Variants in MAMLD1 observed in about 807,000 individuals in gnomAD.
MAMLD1 encodes mastermind like domain containing 1.
MAMLD1 carries 14 observed loss-of-function variants against 45.0 expected under a neutral mutation model. That is an observed-to-expected ratio of 0.31 (90% CI 0.21 to 0.49). The LOEUF is 0.49. Ranked by LOEUF, MAMLD1 falls within the 20% of genes least tolerant of loss-of-function variation. The pLI is 0.99. For missense variants in MAMLD1, 543 were observed against 603.6 expected, an observed-to-expected ratio of 0.90 and a Z score of 1.05; for synonymous variants, 254 against 247.8, an observed-to-expected ratio of 1.02 and a Z score of -0.24.
chrX:150,435,035 T>C (rs1049268506), intron 1 of MAMLD1, among the ~76,000 whole-genome samples: 3 of 111,650 alleles, frequency 2.7e-5, no homozygotes, highest in African/African-American at 9.8e-5. Context: ...TATTATTGTG[T>C]GGTTATCTAA....
intron 1 of MAMLD1, among the ~76,000 whole-genome samples, chrX:150,374,568 G>T (rs909065888): frequency 8.9e-6 from 1 of 112,545 alleles, no homozygotes; most frequent in Non-Finnish European, 1.9e-5. Flanking sequence ...GACTTGAAAA[G>T]TCATTTTGTC....
chrX:150,504,533 C>A, intron 6 of MAMLD1: 1 of 538,033 alleles, frequency 1.9e-6, no homozygotes, highest in Non-Finnish European at 2.3e-6. Context: ...CTCAGCTGTT[C>A]ACTCTTCAGC....
intron 7 of MAMLD1, 111 bp from the exon 8 acceptor site, chrX:150,511,893 A>G: frequency 3.0e-6 from 2 of 658,074 alleles, no homozygotes; most frequent in South Asian, 1.0e-4. Flanking sequence ...TAGAGAGCCA[A>G]GGGCGGGAGG....
intron 1 of MAMLD1, among the ~76,000 whole-genome samples, chrX:150,441,264 C>T (rs782096512): frequency 9.3e-6 from 1 of 107,758 alleles, no homozygotes; most frequent in South Asian, 3.9e-4. Context: ...CTATGGTCAC[C>T]ATATACTCTG....
chrX:150,443,710 T>G (rs1203629599), intron 1 of MAMLD1, among the ~76,000 whole-genome samples: 1 of 110,416 alleles, frequency 9.1e-6, no homozygotes, highest in Non-Finnish European at 1.9e-5. Context: ...AATTTCCATT[T>G]GGTTCTTTTT....
rs782701412 is a variant in MAMLD1 at position 150,512,573 on chromosome X, C to G, written c.*614C>G. The G allele has an allele frequency of 6.9e-6, 8 of 1,153,703 alleles. No homozygotes were observed. In the African/African-American group the frequency reaches 7.1e-5, roughly 10 times the overall value. ...ACAAGTGCCCGCTGCGATGGGAACACAAGTGCCCCTGGCCAACAACCCCAG... is the reference window on the plus strand; with the variant it reads ...ACAAGTGCCCGCTGCGATGGGAACAGAAGTGCCCCTGGCCAACAACCCCAG... On this transcript the variant is annotated 3_prime_UTR_variant, in exon 8 of 8. Transcript: ENST00000370401.
At chrX:150,369,195 C>A (rs941115993) in intron 1 of MAMLD1, among the ~76,000 whole-genome samples, 1 of 108,253 alleles carries the variant, frequency 9.2e-6, no homozygotes, top group Admixed American at 9.9e-5. Flanking sequence ...TTGCACAGAT[C>A]ATTAGCCTAG....
intron 5 of MAMLD1, among the ~76,000 whole-genome samples, chrX:150,499,477 G>A (rs2148352240): frequency 8.9e-6 from 1 of 111,909 alleles, no homozygotes; most frequent in South Asian, 3.8e-4. Flanking sequence ...GTCATAATCT[G>A]AGCTCCTTGC....
chrX:150,402,411 G>A lies in MAMLD1; in HGVS notation c.-64+38881G>A, dbSNP rs782549464. On this transcript the variant is annotated intron_variant, in intron 1 of 7. Coordinates refer to ENST00000370401, the MANE Select transcript of MAMLD1 (RefSeq NM_005491.5). ...CAGTTAGAATGGCGATCATTAAAAA[G>A]TCAGGAAACAACAGGTGCTGGAGAG... 2.2e-3 allele frequency among the ~76,000 whole-genome samples: 235 copies of A among 108,129 alleles called. 1 individual carries two copies. Among genetic ancestry groups the A allele is most frequent in the African/African-American group, 7.8e-3 (226 of 28,972 alleles). The allele number at this position is 108,129 out of a possible 115,157, so 93.9% of individuals were successfully genotyped here. A position where few individuals can be genotyped will look rare whatever the true frequency, so the allele number is the denominator to read the frequency against.
intron 1 of MAMLD1, among the ~76,000 whole-genome samples, chrX:150,440,945 AT>A (rs1328455611): frequency 9.5e-6 from 1 of 104,828 alleles, no homozygotes; most frequent in African/African-American, 3.4e-5. Context: ...ATTATTTATT[AT>A]TAAAATAATT....
intron 5 of MAMLD1, among the ~76,000 whole-genome samples, chrX:150,477,417 C>A (rs1015566605): frequency 8.9e-6 from 1 of 112,173 alleles, no homozygotes; most frequent in African/African-American, 3.2e-5. Context: ...TCCTCTCTGA[C>A]CCCCAGGGGT....
chrX:150,388,216 A>G (rs1024933814), intron 1 of MAMLD1, among the ~76,000 whole-genome samples: 3 of 111,752 alleles, frequency 2.7e-5, no homozygotes, highest in African/African-American at 9.7e-5. Context: ...GGCAATTTAG[A>G]TTATATATTT....
intron 1 of MAMLD1, among the ~76,000 whole-genome samples, chrX:150,406,030 G>A (rs1040345442): frequency 1.1e-4 from 12 of 111,619 alleles, no homozygotes; most frequent in Non-Finnish European, 2.1e-4. Context: ...TGAGGAGGAA[G>A]AGAAAGGTCT....
chrX:150,494,965 G>C (rs2037326248), intron 5 of MAMLD1, among the ~76,000 whole-genome samples: 1 of 111,556 alleles, frequency 9.0e-6, no homozygotes, highest in Non-Finnish European at 1.9e-5. Flanking sequence ...CAGCACTTTG[G>C]GAGACCAAGG....
At chrX:150,423,857 G>A (rs1219961667) in intron 1 of MAMLD1, among the ~76,000 whole-genome samples, 1 of 112,421 alleles carries the variant, frequency 8.9e-6, no homozygotes, top group Non-Finnish European at 1.9e-5. Flanking sequence ...CAAAGTGTAT[G>A]ATGTTTATAG....
rs782197650 is a variant in MAMLD1 at position 150,512,895 on chromosome X, C to T, written c.*936C>T. 2.0e-5 allele frequency: 23 copies of T among 1,153,839 alleles called. No homozygotes were observed. In the Admixed American group the frequency reaches 5.4e-4, roughly 27 times the overall value. ...CCACTAAATGATCTGATTTCGTCAC[C>T]TGACTGCAATGAGGTAGATTTCATT... On this transcript the variant is annotated 3_prime_UTR_variant, in exon 8 of 8. Coordinates refer to ENST00000370401, the MANE Select transcript of MAMLD1 (RefSeq NM_005491.5).
rs781802555 is a variant in MAMLD1 at position 150,471,052 on chromosome X, A to ACAGCAG, written c.1500_1505dup (p.Gln501_Gln502dup). On this transcript the variant is annotated inframe_insertion, in exon 4 of 8. Coordinates refer to ENST00000370401, the MANE Select transcript of MAMLD1 (RefSeq NM_005491.5). ...CCACCAGTAATCTTCTAAGCCAGCA[A>ACAGCAG]CAGCAGCAGCAGCAGCAGCAGCAGC... is the stretch of plus-strand genomic sequence containing the variant. 1.0e-4 allele frequency: 121 copies of ACAGCAG among 1,207,858 alleles called. No individual in the cohort carries two copies. The highest frequency in any genetic ancestry group is 2.3e-4 in the Middle Eastern group (1 of 4,367).
At chrX:150,477,172 C>T (rs1214489582) in intron 5 of MAMLD1, among the ~76,000 whole-genome samples, 1 of 109,346 alleles carries the variant, frequency 9.1e-6, no homozygotes, top group East Asian at 2.9e-4. Context: ...ACCTTTTCCG[C>T]GGGGCAAGCG....
intron 1 of MAMLD1, among the ~76,000 whole-genome samples, chrX:150,400,748 G>A (rs2033715165): frequency 9.1e-6 from 1 of 110,374 alleles, no homozygotes; most frequent in Admixed American, 9.6e-5. Flanking sequence ...CTGTTTATAT[G>A]CTGGATTACG....
Sources: gnomAD v4.1 joint callset for allele counts (sites outside exome capture counted in the v4.1 genomes callset) on GRCh38, gnomAD v4.1.1 for gene constraint, MANE v1.5 for transcripts, NCBI Gene and HGNC (gene_info 2026-07-23, HGNC 2026-07-21) for gene names.